CACNA1C: variants seen among roughly 807,000 people sequenced by gnomAD.
The protein encoded by CACNA1C is voltage-dependent L-type calcium channel subunit alpha-1C.
Under a neutral mutation model 229.0 loss-of-function variants are expected in CACNA1C, and 30 were observed. The observed-to-expected ratio is 0.13, with a 90% CI of 0.10 to 0.18. The LOEUF is 0.18. CACNA1C is among the 10% of genes least tolerant of loss of function. The pLI is 1.00. For synonymous variants in CACNA1C, 1,114 were observed against 1,132.5 expected, an observed-to-expected ratio of 0.98 and a Z score of 0.33; for missense variants, 1,658 against 2,845.0, an observed-to-expected ratio of 0.58 and a Z score of 9.49.
intron 46 of CACNA1C, among the ~76,000 whole-genome samples, chr12:2,690,564 G>A (rs2097765071): frequency 6.6e-6 from 1 of 152,200 alleles, no homozygotes; most frequent in South Asian, 2.1e-4. Context: ...GAACTCCTGG[G>A]CTCAAGCAGT....
At position 2,602,101 on chromosome 12, in the gene CACNA1C, G is replaced by A. The variant is rs1027517795; in HGVS notation, c.2960+141G>A. On this transcript the variant is annotated intron_variant, in intron 22 of 46. Transcript: ENST00000399655. This position sits in a 1 kb window ranked among gnomAD's most constrained non-coding sequence, Gnocchi z 4.4. Reference sequence around the variant, plus strand: ...GGTGGGGCCTCCAAAGCTGTGCATGGTGGCTTTGGGTTCTTGGTTCTGTGT... The same window carrying A: ...GGTGGGGCCTCCAAAGCTGTGCATGATGGCTTTGGGTTCTTGGTTCTGTGT... 7.8e-6 allele frequency: 5 copies of A among 639,318 alleles called. No homozygotes were observed. The highest frequency in any genetic ancestry group is 1.4e-5 in the Non-Finnish European group (5 of 351,824). The allele number at this position is 639,318 out of a possible 1,614,324, so 39.6% of individuals were successfully genotyped here.
intron 1 of CACNA1C, among the ~76,000 whole-genome samples, chr12:2,090,279 C>G (rs2070082653): frequency 7.0e-6 from 1 of 143,490 alleles, no homozygotes; most frequent in Middle Eastern, 3.5e-3. Flanking sequence ...CTTTTAAAGG[C>G]TGAATAATAG....
At chr12:2,557,055 T>C (rs1338447345) in intron 11 of CACNA1C, 78 bp downstream of exon 11, 5 of 1,194,742 alleles carry the variant, frequency 4.2e-6, no homozygotes, top group Non-Finnish European at 6.2e-6. Flanking sequence ...TGGCCCAAGG[T>C]AATACCTACA....
In CACNA1C at chr12:2,595,894, G is replaced by T; in HGVS notation, c.2684G>T (p.Arg895Leu). ...SNNRFRLQCH[R>L]IVNDTIFTNL... ...TACAGGTTTCGCCTCCAGTGCCACC[G>T]CATTGTCAATGACACGATCTTCACC... Residue 895 changes from arginine to leucine, a missense_variant, in exon 20 of 47, where the codon CGC becomes CTC. This residue lies in a region of CACNA1C where 52 missense variants were observed against 99.0 expected (regional missense o/e 0.53). Transcript: ENST00000399655. This position sits in a 1 kb window ranked among gnomAD's most constrained non-coding sequence, Gnocchi z 4.1. 1 of 1,613,248 alleles carries T rather than the reference G, an allele frequency of 6.2e-7. No individual in the cohort carries two copies. Among genetic ancestry groups the T allele is most frequent in the Non-Finnish European group, 8.5e-7 (1 of 1,179,622 alleles).
intron 1 of CACNA1C, among the ~76,000 whole-genome samples, chr12:2,082,944 G>T (rs1004858611): frequency 1.3e-5 from 2 of 152,172 alleles, no homozygotes; most frequent in African/African-American, 4.8e-5. Context: ...TGTGAAAATA[G>T]TTTTTTGGTG....
At position 2,688,668 on chromosome 12, in the gene CACNA1C, C is replaced by T. The variant is rs373253192; in HGVS notation, c.6006C>T (p.Gly2002=). Residue 2002 remains glycine, a synonymous_variant, in exon 46 of 47, where the codon GGC becomes GGT. Coordinates refer to ENST00000399655, the MANE Select transcript of CACNA1C (RefSeq NM_000719.7). Reference sequence around the variant, plus strand: ...CCTGGGCTGAGACCACCCCCGGTGGCGGGGGCAGCAGCGCCGCCCGGAGAG... The same window carrying T: ...CCTGGGCTGAGACCACCCCCGGTGGTGGGGGCAGCAGCGCCGCCCGGAGAG... ...CGSWAETTPG[G]GGSSAARRVR... 3.5e-5 allele frequency: 56 copies of T among 1,613,342 alleles called. No individual in the cohort carries two copies. The African/African-American group carries it at 4.0e-4, about 12-fold the overall frequency.
At chr12:2,027,007 T>C (rs2047440022) in intron 1 of CACNA1C, among the ~76,000 whole-genome samples, 1 of 152,274 alleles carries the variant, frequency 6.6e-6, no homozygotes, top group Admixed American at 6.5e-5. Context: ...AATAGCTTTC[T>C]AATTCTTTCT....
At chr12:2,468,051 G>C (rs1288942174) in intron 5 of CACNA1C, among the ~76,000 whole-genome samples, 1 of 152,364 alleles carries the variant, frequency 6.6e-6, no homozygotes, top group East Asian at 1.9e-4. Flanking sequence ...AGGAAGGGAA[G>C]AGGCCCGCCA....
intron 11 of CACNA1C, among the ~76,000 whole-genome samples, chr12:2,560,945 C>G (rs370368719): frequency 6.6e-6 from 1 of 151,734 alleles, no homozygotes; most frequent in African/African-American, 2.4e-5. Context: ...ATTCCAGATG[C>G]CTGTGCACCA....
chr12:2,596,276 C>G (rs184195618), intron 20 of CACNA1C: 6 of 337,344 alleles, frequency 1.8e-5, no homozygotes, highest in Non-Finnish European at 3.2e-5. Context: ...CCAGGAAGCT[C>G]TAGTTCCCTG....
chr12:2,278,082 T>A (rs1369138711), intron 3 of CACNA1C, among the ~76,000 whole-genome samples: 5 of 152,232 alleles, frequency 3.3e-5, no homozygotes, highest in Non-Finnish European at 7.3e-5. Flanking sequence ...ACAGAAGCCA[T>A]CTGATTTTAA....
chr12:2,412,002 C>T (rs1287300051), intron 3 of CACNA1C, among the ~76,000 whole-genome samples: 1 of 152,174 alleles, frequency 6.6e-6, no homozygotes. Flanking sequence ...GGCCCCAGAG[C>T]TGTCTTCTTG....
chr12:2,536,263 T>G (rs1342105239), intron 9 of CACNA1C, among the ~76,000 whole-genome samples: 3 of 152,226 alleles, frequency 2.0e-5, no homozygotes, highest in Non-Finnish European at 4.4e-5. Flanking sequence ...CATAGCTTTG[T>G]GAACGGCAAA....
intron 1 of CACNA1C, among the ~76,000 whole-genome samples, chr12:2,039,061 G>T (rs113650811): frequency 0.018 from 2,793 of 152,270 alleles, 59 homozygotes; most frequent in South Asian, 0.025. Context: ...CAAAAGACAG[G>T]TGCTGTGAAT....
At chr12:2,667,888 G>C (rs748442496) in intron 37 of CACNA1C, among the ~76,000 whole-genome samples, 14 of 152,196 alleles carry the variant, frequency 9.2e-5, no homozygotes, top group Non-Finnish European at 1.5e-5. Context: ...TGGCATGGAC[G>C]CTGTGGTGAG....
chr12:2,398,111 A>G (rs572480218), intron 3 of CACNA1C, among the ~76,000 whole-genome samples: 1 of 152,256 alleles, frequency 6.6e-6, no homozygotes, highest in Non-Finnish European at 1.5e-5. Context: ...TCCAAAAGGT[A>G]AGAAGGAGGA....
chr12:2,295,509 T>C (rs1336278887), intron 3 of CACNA1C, among the ~76,000 whole-genome samples: 1 of 152,232 alleles, frequency 6.6e-6, no homozygotes, highest in Non-Finnish European at 1.5e-5. Flanking sequence ...GTACTTCCTT[T>C]AGTCCCAGTA....
intron 20 of CACNA1C, chr12:2,596,330 C>T: frequency 4.5e-6 from 1 of 222,662 alleles, no homozygotes; most frequent in Non-Finnish European, 8.8e-6. Flanking sequence ...CCCTCCCTTG[C>T]TCCCAGCATG....
At chr12:2,462,982 G>T (rs1036879207) in intron 5 of CACNA1C, among the ~76,000 whole-genome samples, 2 of 143,044 alleles carry the variant, frequency 1.4e-5, no homozygotes, top group East Asian at 2.0e-4. Context: ...GTGTGATCTC[G>T]GCTCACTGTA....
Sources: gnomAD v4.1 joint callset for allele counts (sites outside exome capture counted in the v4.1 genomes callset) on GRCh38, gnomAD v4.1.1 for gene constraint, gnomAD v4.1.1 regional missense constraint, Gnocchi (gnomAD v3.1) non-coding constraint, MANE v1.5 for transcripts, NCBI Gene and HGNC (gene_info 2026-07-23, HGNC 2026-07-21) for gene names.